TRIM41: variants seen among roughly 807,000 people sequenced by gnomAD.
TRIM41 encodes the protein E3 ubiquitin-protein ligase TRIM41.
A neutral mutation model predicts 60.6 loss-of-function variants in TRIM41; 21 were observed. The observed-to-expected ratio is 0.35, with a 90% confidence interval of 0.25 to 0.50. The LOEUF is 0.50. Among genes scored for constraint, TRIM41 ranks in the 20% least tolerant of loss-of-function variants. The pLI is 0.98. For missense variants in TRIM41, 846 were observed against 868.3 expected, an observed-to-expected ratio of 0.97 and a Z score of 0.32; for synonymous variants, 407 against 344.9, an observed-to-expected ratio of 1.18 and a Z score of -2.00.
Position 181,235,464 on chromosome 5 carries a change from T to TC in TRIM41, c.*694dup. The TC allele has an allele frequency of 6.3e-7, 1 of 1,589,244 alleles. No individual in the cohort carries two copies. Among genetic ancestry groups the TC allele is most frequent in the South Asian group, 1.1e-5 (1 of 88,684 alleles). Reference sequence around the variant, plus strand: ...AATTACATCAACATAAATTATTTCTTCCCCCTTCCCTTTTCCAGCACTCAA... The same window carrying TC: ...AATTACATCAACATAAATTATTTCTTCCCCCCTTCCCTTTTCCAGCACTCAA... On this transcript the variant is annotated 3_prime_UTR_variant, in exon 6 of 6. Transcript: ENST00000315073.
Position 181,224,594 on chromosome 5 carries a change from C to T in TRIM41, c.595C>T (p.Leu199=), listed in dbSNP as rs1375533410. 3.7e-6 allele frequency: 6 copies of T among 1,614,124 alleles called. No homozygotes were observed. The highest frequency in any genetic ancestry group is 2.2e-5 in the East Asian group (1 of 44,902). ...TCCTCGGCGGAGCTTCCGCCCCAAC[C>T]TGCAGCTGGCCAATATGGTCCAGGT... ...SFPRRSFRPN[L]QLANMVQVIR... Residue 199 remains leucine, a synonymous_variant, in exon 1 of 6, where the codon CTG becomes TTG. Coordinates refer to ENST00000315073, the MANE Select transcript of TRIM41 (RefSeq NM_033549.5).
Position 181,224,043 on chromosome 5 carries a change from A to T in TRIM41, c.44A>T (p.Gln15Leu). Residue 15 changes from glutamine to leucine, a missense_variant, in exon 1 of 6, where the codon CAG becomes CTG. Transcript: ENST00000315073. Reference protein sequence around the residue: ...AMTPNPVQTLQEEAVCAICLD... With the variant: ...AMTPNPVQTLLEEAVCAICLD... ...ACACCCAACCCTGTGCAGACCCTTC[A>T]GGAGGAGGCGGTGTGCGCCATCTGC... 1 of 1,614,206 alleles carries T rather than the reference A, an allele frequency of 6.2e-7. No homozygotes were observed. Among genetic ancestry groups the T allele is most frequent in the Non-Finnish European group, 8.5e-7 (1 of 1,180,036 alleles).
Position 181,235,695 on chromosome 5 carries a change from C to T in TRIM41, c.*920C>T, listed in dbSNP as rs1319318134. 3 of 369,556 alleles carry T rather than the reference C, an allele frequency of 8.1e-6. No homozygotes were observed. The highest frequency in any genetic ancestry group is 6.1e-5 in the African/African-American group (3 of 49,440). The allele number at this position is 369,556 out of a possible 1,614,324, so 22.9% of individuals were successfully genotyped here. On this transcript the variant is annotated 3_prime_UTR_variant, in exon 6 of 6. Coordinates refer to ENST00000315073, the MANE Select transcript of TRIM41 (RefSeq NM_033549.5). Reference sequence around the variant, plus strand: ...GGGTATAATCTATTTTTCTAGGAGCCTCTTGCCTTGTCACTTGCAGCTTTC... The same window carrying T: ...GGGTATAATCTATTTTTCTAGGAGCTTCTTGCCTTGTCACTTGCAGCTTTC...
rs1758417961 is a variant in TRIM41, at chr5:181,224,023, C to T, written c.24C>T (p.Pro8=). 6.2e-7 allele frequency: 1 copy of T among 1,614,014 alleles called. No individual in the cohort carries two copies. The highest frequency in any genetic ancestry group is 1.1e-5 in the South Asian group (1 of 91,082). Residue 8 remains proline, a synonymous_variant, in exon 1 of 6, where the codon CCC becomes CCT. Transcript: ENST00000315073. The part of the protein sequence containing the change: MAAVAMT[P]NPVQTLQEEA... The stretch of plus-strand genomic sequence containing the variant: ...AGATGGCTGCCGTTGCCATGACACC[C>T]AACCCTGTGCAGACCCTTCAGGAGG...
rs1303829085 is a variant in TRIM41 at position 181,235,213 on chromosome 5, A to T, written c.*438A>T. 1 of 1,562,224 alleles carries T rather than the reference A, an allele frequency of 6.4e-7. No homozygotes were observed. Among genetic ancestry groups the T allele is most frequent in the East Asian group, 2.3e-5 (1 of 43,520 alleles). On this transcript the variant is annotated 3_prime_UTR_variant, in exon 6 of 6. Coordinates refer to ENST00000315073, the MANE Select transcript of TRIM41 (RefSeq NM_033549.5). The stretch of plus-strand genomic sequence containing the variant: ...ATCCCCATTCCAATTCCATTTTCTG[A>T]TGCAGATTTTAGCTGAGGGATTTGG...
In TRIM41 at chr5:181,233,910, C is replaced by T; in HGVS notation, c.1291+147C>T. 7.3e-7 allele frequency: 1 copy of T among 1,368,080 alleles called. No individual in the cohort carries two copies. The highest frequency in any genetic ancestry group is 1.0e-6 in the Non-Finnish European group (1 of 989,382). 84.7% of individuals were successfully genotyped at this position (1,368,080 alleles called of 1,614,324 possible). ...CCACTCTGAGGTTGAGGTTTCAAGC[C>T]ATGAGCAGGTAGACCTAGTGCAGGC... On this transcript the variant is annotated intron_variant, in intron 5 of 5. Transcript: ENST00000315073. The surrounding 1 kb of genome is among the most constrained non-coding windows in gnomAD (Gnocchi z 4.1).
Position 181,233,515 on chromosome 5 carries a change from C to CT in TRIM41, c.1163+81dup. ...TGCTTCTCTTCGGTATCCCTCTCCT[C>CT]TCCTTCCTTCCCCAGGACCTGAGTT... On this transcript the variant is annotated intron_variant, in intron 4 of 5. Coordinates refer to ENST00000315073, the MANE Select transcript of TRIM41 (RefSeq NM_033549.5). The surrounding 1 kb of genome is among the most constrained non-coding windows in gnomAD (Gnocchi z 4.1). 1 of 1,612,562 alleles carries CT rather than the reference C, an allele frequency of 6.2e-7. No homozygotes were observed. Among genetic ancestry groups the CT allele is most frequent in the African/African-American group, 1.3e-5 (1 of 74,958 alleles).
Position 181,233,276 on chromosome 5 carries a change from G to T in TRIM41, c.1141-137G>T. 1 of 906,268 alleles carries T rather than the reference G, an allele frequency of 1.1e-6. No individual in the cohort carries two copies. Among genetic ancestry groups the T allele is most frequent in the Non-Finnish European group, 1.8e-6 (1 of 546,116 alleles). The allele number at this position is 906,268 out of a possible 1,614,324, so 56.1% of individuals were successfully genotyped here. A position where few individuals can be genotyped will look rare whatever the true frequency, so the allele number is the denominator to read the frequency against. On this transcript the variant is annotated intron_variant, in intron 3 of 5. Transcript: ENST00000315073. The surrounding 1 kb of genome is among the most constrained non-coding windows in gnomAD (Gnocchi z 4.1). ...GTTGAAATGGATGTGTGTTCATTGA[G>T]GGCCGTGAGGGTGCTGCTTCTCCCT...
intron 1 of TRIM41, 117 bp downstream of exon 1, chr5:181,224,929 C>T: frequency 7.1e-7 from 1 of 1,409,182 alleles, no homozygotes; most frequent in Admixed American, 1.9e-5. Flanking sequence ...TATTGGTGAG[C>T]CAAGTTTGCT....
Position 181,234,044 on chromosome 5 carries a change from C to CT in TRIM41, c.1292-129dup, listed in dbSNP as rs1384251088. The stretch of plus-strand genomic sequence containing the variant: ...AGGAGCAAGATGAGCCTGCAGGAAT[C>CT]TGAGGCTGGCCTCTGGGATGGTGTG... On this transcript the variant is annotated intron_variant, in intron 5 of 5. Coordinates refer to ENST00000315073, the MANE Select transcript of TRIM41 (RefSeq NM_033549.5). This position sits in a 1 kb window ranked among gnomAD's most constrained non-coding sequence, Gnocchi z 5.6. 2.4e-5 allele frequency: 36 copies of CT among 1,482,210 alleles called. No individual in the cohort carries two copies. The highest frequency in any genetic ancestry group is 3.3e-5 in the Non-Finnish European group (36 of 1,081,702). The allele number at this position is 1,482,210 out of a possible 1,614,324, so 91.8% of individuals were successfully genotyped here.
intron 2 of TRIM41, chr5:181,231,623 G>A (rs1461291789): frequency 6.6e-6 from 1 of 152,540 alleles, no homozygotes; most frequent in Non-Finnish European, 1.5e-5. Flanking sequence ...CTCTGCTGCT[G>A]GCGACTGCTA....
In TRIM41 at chr5:181,234,656, T is replaced by C; in HGVS notation, c.1774T>C (p.Phe592Leu). ...YLDYEAGRLG[F>L]YNAETLAHVH... The stretch of plus-strand genomic sequence containing the variant: ...GGACTATGAAGCTGGGCGCCTGGGC[T>C]TCTACAACGCAGAGACTCTAGCCCA... The change falls in exon 6 of 6, where the codon TTC (phenylalanine) becomes CTC (leucine). Residue 592 changes from phenylalanine to leucine, a missense_variant. Transcript: ENST00000315073. This position sits in a 1 kb window ranked among gnomAD's most constrained non-coding sequence, Gnocchi z 5.6. 6.2e-7 allele frequency: 1 copy of C among 1,614,206 alleles called. No homozygotes were observed. The highest frequency in any genetic ancestry group is 8.5e-7 in the Non-Finnish European group (1 of 1,180,032).
chr5:181,232,685 G>T lies in TRIM41; in HGVS notation c.936G>T (p.Ala312=). Residue 312 remains alanine (A), a synonymous_variant, in exon 3 of 6, where the codon GCG becomes GCT. Coordinates refer to ENST00000315073, the MANE Select transcript of TRIM41 (RefSeq NM_033549.5). The part of the protein sequence containing the change: ...LKSQMKSELA[A]VASEFGRLTR... ...GCCAGATGAAGTCAGAGCTGGCAGC[G>T]GTGGCCTCGGAGTTTGGGCGACTGA... 1 of 1,614,082 alleles carries T rather than the reference G, an allele frequency of 6.2e-7. No individual in the cohort carries two copies. Among genetic ancestry groups the T allele is most frequent in the Non-Finnish European group, 8.5e-7 (1 of 1,180,018 alleles).
rs1430337983 is a variant in TRIM41 at position 181,235,280 on chromosome 5, G to C, written c.*505G>C. The C allele has an allele frequency of 1.2e-6, 2 of 1,613,262 alleles. No individual in the cohort carries two copies. Among genetic ancestry groups the C allele is most frequent in the Non-Finnish European group, 1.7e-6 (2 of 1,179,654 alleles). ...CAGGCTGGGCCAAAGGGTAGAGCTG[G>C]GTAATAAATGTCTATTCTCCTGGGG... On this transcript the variant is annotated 3_prime_UTR_variant, in exon 6 of 6. Transcript: ENST00000315073.
chr5:181,232,627 T>C lies in TRIM41; in HGVS notation c.910-32T>C, dbSNP rs1758852432. ...GAGGTTATCTTCGTACGTGTTGAGG[T>C]GGTGTCTGCCATCCCCTTTGCACCA... is the stretch of plus-strand genomic sequence containing the variant. On this transcript the variant is annotated intron_variant, in intron 2 of 5. Transcript: ENST00000315073. The C allele has an allele frequency of 1.9e-6, 3 of 1,593,676 alleles. No individual in the cohort carries two copies. In the Admixed American group the frequency reaches 5.4e-5, roughly 29 times the overall value.
chr5:181,234,750 G>A lies in TRIM41; in HGVS notation c.1868G>A (p.Gly623Asp), dbSNP rs984406868. The change falls in exon 6 of 6, where the codon GGC becomes GAC. Residue 623 changes from glycine to aspartate, a missense_variant. Transcript: ENST00000315073. This position sits in a 1 kb window ranked among gnomAD's most constrained non-coding sequence, Gnocchi z 5.6. ...VFPFFRVLSK[G>D]TRIKLCP is the part of the protein sequence containing the mutation. ...CCTTTCTTCCGGGTGCTCTCCAAGG[G>A]CACCCGCATCAAGCTCTGCCCTTGA... 2 of 1,613,078 alleles carry A rather than the reference G, an allele frequency of 1.2e-6. No individual in the cohort carries two copies. Among genetic ancestry groups the A allele is most frequent in the Non-Finnish European group, 1.7e-6 (2 of 1,179,488 alleles).
In TRIM41 at chr5:181,223,729, A is replaced by G. The variant is rs1007629918; in HGVS notation, c.-271A>G. The G allele has an allele frequency of 5.2e-6, 3 of 580,602 alleles. No homozygotes were observed. Among genetic ancestry groups the G allele is most frequent in the Non-Finnish European group, 9.2e-6 (3 of 326,558 alleles). 36.0% of individuals were successfully genotyped at this position (580,602 alleles called of 1,614,324 possible). ...GGGTTTATGAGGAGTCCAAGGGAGC[A>G]TTGGGGCAGACTTGTACTCAGAGCC... On this transcript the variant is annotated 5_prime_UTR_variant, in exon 1 of 6. Coordinates refer to ENST00000315073, the MANE Select transcript of TRIM41 (RefSeq NM_033549.5).
chr5:181,225,017 C>A lies in TRIM41; in HGVS notation c.813+205C>A. The A allele has an allele frequency of 6.1e-6, 4 of 653,654 alleles. No homozygotes were observed. The East Asian group carries it at 8.3e-5, about 14-fold the overall frequency. 40.5% of individuals were successfully genotyped at this position (653,654 alleles called of 1,614,324 possible). A position where few individuals can be genotyped will look rare whatever the true frequency, so the allele number is the denominator to read the frequency against. ...CACAGAGCAGATGCAGTGAAGACGA[C>A]CAGGGAAGGATGGCTTCCTCAAAGC... On this transcript the variant is annotated intron_variant, in intron 1 of 5. Coordinates refer to ENST00000315073, the MANE Select transcript of TRIM41 (RefSeq NM_033549.5).
chr5:181,235,545 G>T lies in TRIM41; in HGVS notation c.*770G>T. ...CCCTCCCAGGTCTGCTCACTGCCAG[G>T]CTCCTCTCCCCTTTGTTCAGTGGAG... On this transcript the variant is annotated 3_prime_UTR_variant, in exon 6 of 6. Coordinates refer to ENST00000315073, the MANE Select transcript of TRIM41 (RefSeq NM_033549.5). 2.9e-6 allele frequency: 3 copies of T among 1,027,606 alleles called. No homozygotes were observed. The highest frequency in any genetic ancestry group is 4.3e-6 in the Non-Finnish European group (3 of 697,104). The allele number at this position is 1,027,606 out of a possible 1,614,324, so 63.7% of individuals were successfully genotyped here.
Sources: gnomAD v4.1 joint callset for allele counts on GRCh38, gnomAD v4.1.1 for gene constraint, Gnocchi (gnomAD v3.1) non-coding constraint, MANE v1.5 for transcripts, NCBI Gene and HGNC (gene_info 2026-07-23, HGNC 2026-07-21) for gene names.